Variants in TSHR observed in about 807,000 individuals in gnomAD.
The protein encoded by TSHR is thyroid stimulating hormone receptor.
In TSHR, 51 loss-of-function variants were observed where a neutral mutation model predicts 64.1. The observed-to-expected ratio is 0.80, with a 90% confidence interval of 0.64 to 1.01. The LOEUF is 1.01. Ranked by LOEUF, TSHR falls within the 50% of genes least tolerant of loss-of-function variation. The probability of loss-of-function intolerance (pLI) is 0.00; values close to 1 mark genes in which losing one functional copy is unlikely to be tolerated. For synonymous variants in TSHR, 361 were observed against 361.9 expected (o/e 1.00, Z 0.03); for missense variants, 877 against 942.8 (o/e 0.93, Z 0.91).
chr14:81,037,141 CAA>C lies in TSHR; in HGVS notation c.171-24998_171-24997del, dbSNP rs112030020. Among the ~76,000 whole-genome samples the C allele has an allele frequency of 1.5e-3, 225 of 146,278 alleles. 3 individuals are homozygous for C. The highest frequency in any genetic ancestry group is 1.2e-3 in the Non-Finnish European group (78 of 66,428). ...CAGGCAACAAAGCAAGACTCAGTCT[CAA>C]AAAAAAAATGTTTTTAATAAAAAAT... On this transcript the variant is annotated intron_variant, in intron 1 of 9. Transcript: ENST00000298171.
intron 1 of TSHR, chr14:81,013,134 G>A (rs1159641517): frequency 6.6e-6 from 1 of 152,096 alleles, no homozygotes; most frequent in African/African-American, 2.4e-5. Flanking sequence ...TGTAAGGAAG[G>A]GATCCAGTTT....
At chr14:80,974,172 C>A (rs966190587) in intron 1 of TSHR, among the ~76,000 whole-genome samples, 1 of 152,124 alleles carries the variant, frequency 6.6e-6, no homozygotes, top group African/African-American at 2.4e-5. Flanking sequence ...CTGATTTAAC[C>A]CTCGGTGTGA....
chr14:81,123,075 C>T (rs1340255749), intron 8 of TSHR, among the ~76,000 whole-genome samples: 1 of 151,544 alleles, frequency 6.6e-6, no homozygotes, highest in Admixed American at 6.6e-5. Context: ...TGCAGTGAGC[C>T]GAGATTGCAC....
intron 1 of TSHR, among the ~76,000 whole-genome samples, chr14:81,037,448 A>AAACAAC (rs1555373452): frequency 7.8e-6 from 1 of 128,456 alleles, no homozygotes; most frequent in Non-Finnish European, 1.8e-5. Context: ...AACAAACAAA[A>AAACAAC]AACAGAAAAT....
intron 1 of TSHR, among the ~76,000 whole-genome samples, chr14:80,985,635 C>T (rs1443223004): frequency 6.6e-6 from 1 of 152,162 alleles, no homozygotes; most frequent in Non-Finnish European, 1.5e-5. Context: ...TGAGCTGAAA[C>T]GGAAGTTTCT....
At chr14:81,001,934 T>A (rs902886384) in intron 1 of TSHR, 1 of 192,166 alleles carries the variant, frequency 5.2e-6, no homozygotes, top group Non-Finnish European at 1.1e-5. Context: ...TTTTTCTTCC[T>A]CCCCTTCTAA....
intron 7 of TSHR, among the ~76,000 whole-genome samples, chr14:81,101,650 G>A (rs2140012213): frequency 6.6e-6 from 1 of 152,302 alleles, no homozygotes; most frequent in African/African-American, 2.4e-5. Flanking sequence ...AGGGCACAAG[G>A]TGGGAGCCAA....
intron 1 of TSHR, among the ~76,000 whole-genome samples, chr14:81,039,620 A>G (rs913436165): frequency 6.6e-6 from 1 of 152,084 alleles, no homozygotes. Context: ...CAAATTTAGT[A>G]AAGTTGCAGG....
intron 1 of TSHR, among the ~76,000 whole-genome samples, chr14:81,031,850 C>G (rs1353006433): frequency 6.6e-6 from 1 of 152,176 alleles, no homozygotes; most frequent in Admixed American, 6.5e-5. Flanking sequence ...AGAACCAAAG[C>G]CAATGCACTC....
chr14:81,083,955 A>G (rs560391379), intron 3 of TSHR, among the ~76,000 whole-genome samples: 2 of 152,250 alleles, frequency 1.3e-5, no homozygotes, highest in East Asian at 3.9e-4. Flanking sequence ...GAACTCACTC[A>G]CTATCACGAG....
chr14:80,983,694 A>G (rs1290161127), intron 1 of TSHR: 7 of 549,402 alleles, frequency 1.3e-5, no homozygotes, highest in South Asian at 4.6e-5. Flanking sequence ...CAGGCTGTAC[A>G]TTCCCAAAGA....
At chr14:81,088,864 G>T (rs1286766223) in intron 4 of TSHR, among the ~76,000 whole-genome samples, 1 of 152,118 alleles carries the variant, frequency 6.6e-6, no homozygotes, top group Non-Finnish European at 1.5e-5. Flanking sequence ...CCTTAAGGAT[G>T]AATAGAGGGT....
chr14:81,006,436 A>G (rs571839133), intron 1 of TSHR, among the ~76,000 whole-genome samples: 95 of 152,190 alleles, frequency 6.2e-4, no homozygotes, highest in Non-Finnish European at 1.1e-3. Context: ...CAAGGACACC[A>G]GTCAATTTGG....
chr14:80,981,938 C>A (rs3783950), intron 1 of TSHR: 1 of 276,748 alleles, frequency 3.6e-6, no homozygotes, highest in East Asian at 7.6e-5. Flanking sequence ...CCTAGGACAC[C>A]TTGAGAACCA....
chr14:80,976,203 A>C lies in TSHR; in HGVS notation c.170+20353A>C, dbSNP rs186030143. Among the ~76,000 whole-genome samples, 28 of 152,210 alleles carry C rather than the reference A, an allele frequency of 1.8e-4. 1 individual carries two copies. The East Asian group carries it at 5.4e-3, about 29-fold the overall frequency. ...TGGGATTACAGGCGTGAGCAAGTAC[A>C]TTCTTAAACGAAGCCCTCACTTCCA... On this transcript the variant is annotated intron_variant, in intron 1 of 9. Coordinates refer to ENST00000298171, the MANE Select transcript of TSHR (RefSeq NM_000369.5).
chr14:81,050,682 G>GT lies in TSHR; in HGVS notation c.171-11464dup, dbSNP rs1432499136. 2.0e-5 allele frequency: 3 copies of GT among 152,166 alleles called. No individual in the cohort carries two copies. The East Asian group carries it at 5.8e-4, about 29-fold the overall frequency. The allele number at this position is 152,166 out of a possible 1,614,324, so 9.4% of individuals were successfully genotyped here. ...AATAGTAAAGTAATGCACTTTTTCT[G>GT]TTAAAAACTATTTTTAATTGACAAA... is the stretch of plus-strand genomic sequence containing the variant. On this transcript the variant is annotated intron_variant, in intron 1 of 9. Coordinates refer to ENST00000298171, the MANE Select transcript of TSHR (RefSeq NM_000369.5).
At position 81,144,083 on chromosome 14, in the gene TSHR, A is replaced by G; in HGVS notation, c.2025A>G (p.Pro675=). 6.2e-7 allele frequency: 1 copy of G among 1,614,124 alleles called. No homozygotes were observed. The highest frequency in any genetic ancestry group is 2.2e-5 in the East Asian group (1 of 44,878). The change falls in exon 10 of 10, where the codon CCA becomes CCG. Residue 675 remains proline, a synonymous_variant. Coordinates refer to ENST00000298171, the MANE Select transcript of TSHR (RefSeq NM_000369.5). ...ATCCACTTAACTCCTGTGCCAATCC[A>G]TTCCTCTATGCTATTTTCACCAAGG... ...LFYPLNSCAN[P]FLYAIFTKAF... is the part of the protein sequence containing the mutation.
chr14:80,973,135 G>T (rs1887661278), intron 1 of TSHR, among the ~76,000 whole-genome samples: 1 of 152,052 alleles, frequency 6.6e-6, no homozygotes, highest in Non-Finnish European at 1.5e-5. Context: ...GCCGGGCGCG[G>T]TGGCTCACGC....
chr14:81,121,838 A>G (rs1890806005), intron 8 of TSHR, among the ~76,000 whole-genome samples: 1 of 151,228 alleles, frequency 6.6e-6, no homozygotes, highest in Non-Finnish European at 1.5e-5. Context: ...GCTACTTGGG[A>G]GGCTGAGGTA....
Sources: allele counts gnomAD v4.1 joint callset (sites outside exome capture counted in the v4.1 genomes callset), GRCh38; gene constraint gnomAD v4.1.1; transcripts MANE v1.5; gene names NCBI Gene and HGNC (gene_info 2026-07-23, HGNC 2026-07-21).